Variants in FGD4 observed in about 807,000 individuals in gnomAD.
FGD4 encodes FYVE, RhoGEF and PH domain containing 4, also known as FYVE, RhoGEF and PH domain-containing protein 4.
A neutral mutation model predicts 102.0 loss-of-function variants in FGD4; 42 were observed. The observed-to-expected ratio is 0.41, with a 90% confidence interval of 0.32 to 0.53. The LOEUF (loss-of-function observed/expected upper bound fraction) is 0.53. FGD4 is among the 20% of genes least tolerant of loss of function. FGD4 has a pLI of 0.21. For missense variants in FGD4, 902 were observed against 1,078.2 expected, an observed-to-expected ratio of 0.84 and a Z score of 2.29; for synonymous variants, 380 against 375.7, an observed-to-expected ratio of 1.01 and a Z score of -0.13.
At chr12:32,400,605 C>A (rs571800621) in intron 1 of FGD4, among the ~76,000 whole-genome samples, 35 of 152,314 alleles carry the variant, frequency 2.3e-4, no homozygotes, top group African/African-American at 8.2e-4. Flanking sequence ...TCAAGGCGAT[C>A]TATTCAAGGC....
intron 1 of FGD4, among the ~76,000 whole-genome samples, chr12:32,548,464 A>T (rs1028117472): frequency 6.6e-6 from 1 of 152,196 alleles, no homozygotes; most frequent in Non-Finnish European, 1.5e-5. Flanking sequence ...TTTCCATATT[A>T]CTATTCTCTG....
intron 1 of FGD4, among the ~76,000 whole-genome samples, chr12:32,473,981 G>A (rs1943514547): frequency 6.6e-6 from 1 of 151,986 alleles, no homozygotes; most frequent in Admixed American, 6.6e-5. Flanking sequence ...CCAGCTACTC[G>A]GGAGGCTGAG....
chr12:32,563,135 C>CG (rs1303635512), intron 1 of FGD4, among the ~76,000 whole-genome samples: 1 of 150,090 alleles, frequency 6.7e-6, no homozygotes, highest in Non-Finnish European at 1.5e-5. Flanking sequence ...GCTGGCCTGG[C>CG]GGGGGCTGAC....
At chr12:32,485,840 G>T (rs1020369614) in intron 1 of FGD4, 3 of 1,194,492 alleles carry the variant, frequency 2.5e-6, no homozygotes, top group Admixed American at 9.0e-5. Flanking sequence ...GTCCACCCCC[G>T]GTATTCTAGA....
At chr12:32,624,285 AT>A in intron 11 of FGD4, 136 bp from the exon 12 acceptor site, 1 of 691,420 alleles carries the variant, frequency 1.4e-6, no homozygotes. Context: ...ATTGCCAGAG[AT>A]TAATTTTTGT....
intron 1 of FGD4, among the ~76,000 whole-genome samples, chr12:32,496,249 C>A (rs1937809582): frequency 6.6e-6 from 1 of 152,180 alleles, no homozygotes; most frequent in African/African-American, 2.4e-5. Flanking sequence ...ATTAACCATT[C>A]AGCATCGGGT....
At chr12:32,555,168 A>G (rs549224944) in intron 1 of FGD4, among the ~76,000 whole-genome samples, 20 of 152,208 alleles carry the variant, frequency 1.3e-4, no homozygotes, top group Non-Finnish European at 2.6e-4. Context: ...AAATCTGGAA[A>G]TATTTTGAAA....
At chr12:32,486,633 T>C (rs924830613) in intron 1 of FGD4, among the ~76,000 whole-genome samples, 2 of 152,230 alleles carry the variant, frequency 1.3e-5, no homozygotes, top group Non-Finnish European at 2.9e-5. Context: ...GGGATAAAAA[T>C]TCCCCCTACT....
At chr12:32,486,235 C>A in intron 1 of FGD4, 1 of 1,168,108 alleles carries the variant, frequency 8.6e-7, no homozygotes, top group Non-Finnish European at 1.2e-6. Context: ...TAGATGAGGT[C>A]ACTGGTATTT....
At chr12:32,625,096 AC>A (rs1565921420) in intron 13 of FGD4, 28 bp downstream of exon 13, 1 of 1,568,520 alleles carries the variant, frequency 6.4e-7, no homozygotes, top group East Asian at 2.3e-5. Context: ...CTTAACTTCA[AC>A]CTCTTTCATA....
At chr12:32,590,182 C>A (rs1947353083) in intron 4 of FGD4, among the ~76,000 whole-genome samples, 1 of 151,712 alleles carries the variant, frequency 6.6e-6, no homozygotes, top group Non-Finnish European at 1.5e-5. Context: ...GTGGCAGGCG[C>A]CTATAATCCC....
intron 1 of FGD4, among the ~76,000 whole-genome samples, chr12:32,400,954 A>G (rs1940637456): frequency 6.6e-6 from 1 of 152,218 alleles, no homozygotes; most frequent in Admixed American, 6.5e-5. Flanking sequence ...AATTAAAAAG[A>G]TATAACTACA....
intron 1 of FGD4, among the ~76,000 whole-genome samples, chr12:32,484,664 G>C (rs1465419467): frequency 1.3e-5 from 2 of 152,076 alleles, no homozygotes; most frequent in Non-Finnish European, 2.9e-5. Flanking sequence ...CTGAGGTCAG[G>C]AGTTCAAGAC....
rs116673502 is a variant in FGD4 at position 32,593,048 on chromosome 12, G to A, written c.1012-5449G>A. On this transcript the variant is annotated intron_variant, in intron 4 of 16. Transcript: ENST00000534526. ...ATCATGAATAGTAACTTAAAATCAT[G>A]TACTTGCCTATATGATACAGTTACT... 7.5e-3 allele frequency among the ~76,000 whole-genome samples: 1,139 copies of A among 152,222 alleles called. 11 individuals are homozygous for A. Among genetic ancestry groups the A allele is most frequent in the African/African-American group, 0.026 (1,081 of 41,536 alleles).
intron 1 of FGD4, among the ~76,000 whole-genome samples, chr12:32,437,730 A>G (rs7307695): frequency 0.062 from 9,474 of 152,220 alleles, 949 homozygotes; most frequent in African/African-American, 0.21. Flanking sequence ...AATTTTTTCT[A>G]GACATAATCC....
At chr12:32,531,141 A>G (rs1941776257) in intron 1 of FGD4, among the ~76,000 whole-genome samples, 1 of 151,478 alleles carries the variant, frequency 6.6e-6, no homozygotes, top group African/African-American at 2.4e-5. Context: ...TAGTAGAGAC[A>G]GGGTTTCACC....
At chr12:32,605,127 C>T (rs568185575) in intron 7 of FGD4, among the ~76,000 whole-genome samples, 12 of 151,656 alleles carry the variant, frequency 7.9e-5, no homozygotes, top group South Asian at 4.2e-4. Flanking sequence ...TTAGTAGAGA[C>T]GGGGTTTCGC....
At chr12:32,404,710 T>C (rs1011319926) in intron 1 of FGD4, among the ~76,000 whole-genome samples, 1 of 152,118 alleles carries the variant, frequency 6.6e-6, no homozygotes, top group Non-Finnish European at 1.5e-5. Flanking sequence ...ATTTGTAACA[T>C]TAAAAAATCT....
In FGD4 at chr12:32,582,556, G is replaced by T. The variant is rs12318679; in HGVS notation, c.1011+89G>T. The T allele has an allele frequency of 0.011, 16,114 of 1,531,916 alleles. 1,462 individuals carry two copies. The African/African-American group carries it at 0.19, about 18-fold the overall frequency. The allele number at this position is 1,531,916 out of a possible 1,614,324, so 94.9% of individuals were successfully genotyped here. On this transcript the variant is annotated intron_variant, in intron 4 of 16. Transcript: ENST00000534526. ...TCTTTATTTATTGCACCCCTGAAATGTATGAATCAGATCACCCACACTGGC... is the reference window on the plus strand; with the variant it reads ...TCTTTATTTATTGCACCCCTGAAATTTATGAATCAGATCACCCACACTGGC...
Sources: allele counts gnomAD v4.1 joint callset (sites outside exome capture counted in the v4.1 genomes callset), GRCh38; gene constraint gnomAD v4.1.1; transcripts MANE v1.5; gene names NCBI Gene and HGNC (gene_info 2026-07-23, HGNC 2026-07-21).